The following JAG1 variants were observed in gnomAD, a reference collection of about 807,000 sequenced individuals.
JAG1 encodes jagged canonical Notch ligand 1.
JAG1 carries 23 observed loss-of-function variants against 148.7 expected under a neutral mutation model. That is an observed-to-expected ratio of 0.15 (90% confidence interval 0.11 to 0.22). The LOEUF is 0.22. Ranked by LOEUF, JAG1 falls within the 10% of genes least tolerant of loss-of-function variation. JAG1 has a pLI of 1.00. For missense variants in JAG1, 1,054 were observed against 1,611.2 expected (o/e 0.65, Z 5.92); for synonymous variants, 572 against 598.3 (o/e 0.96, Z 0.64).
Position 10,656,475 on chromosome 20 carries a change from A to G in JAG1, c.695-17T>C, listed in dbSNP as rs771584273. On this transcript the variant is annotated splice_polypyrimidine_tract_variant and intron_variant, in intron 4 of 25. Coordinates refer to ENST00000254958, the MANE Select transcript of JAG1 (RefSeq NM_000214.3). ...GGCAAATAGCTGTAAAAAACAGAGAAGGGCGTGTCAGCACACTGCCTGTTC... is the reference window on the plus strand; with the variant it reads ...GGCAAATAGCTGTAAAAAACAGAGAGGGGCGTGTCAGCACACTGCCTGTTC... 3.1e-6 allele frequency: 5 copies of G among 1,611,810 alleles called. No homozygotes were observed. The highest frequency in any genetic ancestry group is 4.2e-6 in the Non-Finnish European group (5 of 1,178,084).
Position 10,646,120 on chromosome 20 carries a change from G to A in JAG1, c.1886-36C>T, listed in dbSNP as rs199893466. ...AAGTAAAGCAAAAAAAGAACTGAAG[G>A]ACTTGTGAAGCCATAGACAAGCACT... On this transcript the variant is annotated intron_variant, in intron 14 of 25. Coordinates refer to ENST00000254958, the MANE Select transcript of JAG1 (RefSeq NM_000214.3). 3.8e-5 allele frequency: 55 copies of A among 1,465,336 alleles called. No homozygotes were observed. In the African/African-American group the frequency reaches 7.1e-4, roughly 19 times the overall value. 90.8% of individuals were successfully genotyped at this position (1,465,336 alleles called of 1,614,324 possible).
At position 10,643,912 on chromosome 20, in the gene JAG1, C is replaced by G. The variant is rs1166922473; in HGVS notation, c.2373-49G>C. ...GTTACCAACCTCCCAGTCCATTACTCTGGCTGCCAATCACTCACATGTCAC... is the reference window on the plus strand; with the variant it reads ...GTTACCAACCTCCCAGTCCATTACTGTGGCTGCCAATCACTCACATGTCAC... On this transcript the variant is annotated intron_variant, in intron 19 of 25. Coordinates refer to ENST00000254958, the MANE Select transcript of JAG1 (RefSeq NM_000214.3). 4.3e-6 allele frequency: 6 copies of G among 1,410,000 alleles called. No individual in the cohort carries two copies. In the South Asian group the frequency reaches 5.8e-5, roughly 14 times the overall value. The allele number at this position is 1,410,000 out of a possible 1,614,324, so 87.3% of individuals were successfully genotyped here.
chr20:10,644,907 G>T lies in JAG1; in HGVS notation c.2300C>A (p.Thr767Lys). 1 of 1,614,076 alleles carries T rather than the reference G, an allele frequency of 6.2e-7. No homozygotes were observed. The highest frequency in any genetic ancestry group is 8.5e-7 in the Non-Finnish European group (1 of 1,179,966). ...GTCVVNGESF[T>K]CVCKEGWEGP... Reference sequence around the variant, plus strand: ...CTCCCAGCCTTCCTTGCAGACGCACGTAAAGGACTCGCCGTTGACCACACA... The same window carrying T: ...CTCCCAGCCTTCCTTGCAGACGCACTTAAAGGACTCGCCGTTGACCACACA... The change falls in exon 18 of 26, where the codon ACG (threonine) becomes AAG (lysine). Residue 767 changes from threonine (T) to lysine (K), a missense_variant. Physicochemically the swap from Thr to Lys is moderately conservative, Grantham distance 78. This residue lies in a region of JAG1 where 342 missense variants were observed against 514.6 expected (regional missense o/e 0.66). Coordinates refer to ENST00000254958, the MANE Select transcript of JAG1 (RefSeq NM_000214.3).
Position 10,645,638 on chromosome 20 carries a change from C to CA in JAG1, c.2000-170_2000-169insT. On this transcript the variant is annotated intron_variant, in intron 15 of 25. Transcript: ENST00000254958. The surrounding 1 kb of genome is among the most constrained non-coding windows in gnomAD (Gnocchi z 6.1). ...TTTCCAGGAATAAAGGAGCTCCCAA[C>CA]TGGGTTACTTTGAATGCCACAAGTT... is the stretch of plus-strand genomic sequence containing the variant. 1 of 689,256 alleles carries CA rather than the reference C, an allele frequency of 1.5e-6. No individual in the cohort carries two copies. Among genetic ancestry groups the CA allele is most frequent in the Admixed American group, 2.2e-5 (1 of 46,440 alleles). The allele number at this position is 689,256 out of a possible 1,614,324, so 42.7% of individuals were successfully genotyped here. A position where few individuals can be genotyped will look rare whatever the true frequency, so the allele number is the denominator to read the frequency against.
intron 3 of JAG1, chr20:10,662,516 G>A (rs910122556): frequency 7.2e-5 from 11 of 152,324 alleles, no homozygotes; most frequent in African/African-American, 2.7e-4. Flanking sequence ...TAGCTAAAAG[G>A]GAGGGGAAAG....
At chr20:10,651,845 G>T in intron 7 of JAG1, 151 bp from the exon 8 acceptor site, 1 of 700,438 alleles carries the variant, frequency 1.4e-6, no homozygotes, top group Non-Finnish European at 2.6e-6. Context: ...GCTGTGTCTA[G>T]GAAAGAAAGG....
Position 10,673,039 on chromosome 20 carries a change from G to C in JAG1, c.82-33C>G. On this transcript the variant is annotated intron_variant, in intron 1 of 25. Transcript: ENST00000254958. This position sits in a 1 kb window ranked among gnomAD's most constrained non-coding sequence, Gnocchi z 4.7. ...CGAGGGAAGGAGGTAGGTCAGCGCG[G>C]GAGAAAGCTGTTTTCTTCGAGTATA... 1 of 1,597,162 alleles carries C rather than the reference G, an allele frequency of 6.3e-7. No homozygotes were observed. The highest frequency in any genetic ancestry group is 8.5e-7 in the Non-Finnish European group (1 of 1,176,660).
rs766855006 is a variant in JAG1 at position 10,647,116 on chromosome 20, C to A, written c.1721-13G>T. ...CAGCTGTCAATCACTAGAAGATAGG[C>A]TTGGGATCAGATCACAGCCATGCAC... On this transcript the variant is annotated splice_polypyrimidine_tract_variant and intron_variant, in intron 13 of 25. Coordinates refer to ENST00000254958, the MANE Select transcript of JAG1 (RefSeq NM_000214.3). The A allele has an allele frequency of 6.2e-7, 1 of 1,614,218 alleles. No individual in the cohort carries two copies. Among genetic ancestry groups the A allele is most frequent in the Non-Finnish European group, 8.5e-7 (1 of 1,180,020 alleles).
At chr20:10,640,424 CAG>C (rs1216859609) in intron 25 of JAG1, among the ~76,000 whole-genome samples, 1 of 152,250 alleles carries the variant, frequency 6.6e-6, no homozygotes, top group Non-Finnish European at 1.5e-5. Context: ...TCGAGCCTCA[CAG>C]AGCTCAGCAG....
At position 10,673,495 on chromosome 20, in the gene JAG1, G is replaced by T. The variant is rs886042810; in HGVS notation, c.36C>A (p.Arg12=). The T allele has an allele frequency of 3.1e-6, 4 of 1,284,180 alleles. No homozygotes were observed. Among genetic ancestry groups the T allele is most frequent in the Non-Finnish European group, 4.0e-6 (4 of 1,008,780 alleles). 79.5% of individuals were successfully genotyped at this position (1,284,180 alleles called of 1,614,324 possible). ...GCAGGGCGAGCAGGAGGCTTAGGGG[G>T]CGCCCGGACCGGCCGCGCGTCCGTG... ...RSPRTRGRSG[R]PLSLLLALLC... Residue 12 remains arginine (R), a synonymous_variant, in exon 1 of 26, where the codon CGC becomes CGA. Coordinates refer to ENST00000254958, the MANE Select transcript of JAG1 (RefSeq NM_000214.3). The surrounding 1 kb of genome is among the most constrained non-coding windows in gnomAD (Gnocchi z 4.7).
chr20:10,652,402 T>C (rs2067353448), intron 6 of JAG1, 66 bp downstream of exon 6: 1 of 1,607,422 alleles, frequency 6.2e-7, no homozygotes, highest in Non-Finnish European at 8.5e-7. Flanking sequence ...CCAATAAAAT[T>C]AGAAACCAAA....
Position 10,641,772 on chromosome 20 carries a change from T to G in JAG1, c.2682+11A>C. 6.2e-7 allele frequency: 1 copy of G among 1,611,274 alleles called. No homozygotes were observed. Among genetic ancestry groups the G allele is most frequent in the Admixed American group, 1.7e-5 (1 of 60,026 alleles). On this transcript the variant is annotated intron_variant, in intron 22 of 25. Transcript: ENST00000254958. ...GAACACAGGTGAACTGCGGCAGCCA[T>G]CATGTCCTACCTTTGAGCAGGCGAT... is the stretch of plus-strand genomic sequence containing the variant.
At chr20:10,647,831 G>A (rs903586758) in intron 13 of JAG1, 129 bp downstream of exon 13, 3 of 1,022,642 alleles carry the variant, frequency 2.9e-6, no homozygotes, top group African/African-American at 1.6e-5. Context: ...TACACAGGCA[G>A]GATCATTTCA....
At chr20:10,652,302 C>G (rs766344333) in intron 6 of JAG1, 52 bp from the exon 7 acceptor site, 2 of 1,610,698 alleles carry the variant, frequency 1.2e-6, no homozygotes, top group Non-Finnish European at 1.7e-6. Flanking sequence ...GATGGCGAAC[C>G]CACCATGTTT....
chr20:10,656,492 T>G, intron 4 of JAG1, 34 bp from the exon 5 acceptor site: 1 of 1,591,124 alleles, frequency 6.3e-7, no homozygotes, highest in Non-Finnish European at 8.6e-7. Flanking sequence ...GTCAGCACAC[T>G]GCCTGTTCCT....
At chr20:10,667,793 A>G (rs1196127794) in intron 2 of JAG1, among the ~76,000 whole-genome samples, 1 of 152,030 alleles carries the variant, frequency 6.6e-6, no homozygotes, top group Non-Finnish European at 1.5e-5. Flanking sequence ...TCCCATCATT[A>G]CCCTTACCTG....
rs1333315191 is a variant in JAG1 at position 10,673,361 on chromosome 20, C to T, written c.81+89G>A. ...CGAGGAGTCGGGCGCTCGAGGGCTG[C>T]CGAGCCTGCTCGCGGGGCTCAACCG... On this transcript the variant is annotated intron_variant, in intron 1 of 25. Transcript: ENST00000254958. This position sits in a 1 kb window ranked among gnomAD's most constrained non-coding sequence, Gnocchi z 4.7. 1 of 1,019,308 alleles carries T rather than the reference C, an allele frequency of 9.8e-7. No homozygotes were observed. Among genetic ancestry groups the T allele is most frequent in the Non-Finnish European group, 1.4e-6 (1 of 716,644 alleles). 63.1% of individuals were successfully genotyped at this position (1,019,308 alleles called of 1,614,324 possible).
In JAG1 at chr20:10,649,562, G is replaced by A. The variant is rs764485729; in HGVS notation, c.1308C>T (p.Cys436=). 9 of 1,613,142 alleles carry A rather than the reference G, an allele frequency of 5.6e-6. No individual in the cohort carries two copies. The highest frequency in any genetic ancestry group is 3.3e-5 in the Admixed American group (2 of 60,000). The part of the protein sequence containing the change: ...SCKNLIASYY[C]DCLPGWMGQN... ...GACCCATCCAGCCGGGAAGACAGTCGCAGTAGTAGCTGGCAATGAGATTCT... is the reference window on the plus strand; with the variant it reads ...GACCCATCCAGCCGGGAAGACAGTCACAGTAGTAGCTGGCAATGAGATTCT... Residue 436 remains cysteine (C), a synonymous_variant, in exon 10 of 26, where the codon TGC becomes TGT. Coordinates refer to ENST00000254958, the MANE Select transcript of JAG1 (RefSeq NM_000214.3).
intron 2 of JAG1, among the ~76,000 whole-genome samples, chr20:10,667,310 G>A (rs571549577): frequency 2.6e-5 from 4 of 152,334 alleles, no homozygotes; most frequent in South Asian, 2.1e-4. Flanking sequence ...CCCAGGGTTC[G>A]TCAGGGGCCC....
Sources: gnomAD v4.1 joint callset for allele counts (sites outside exome capture counted in the v4.1 genomes callset) on GRCh38, gnomAD v4.1.1 for gene constraint, gnomAD v4.1.1 regional missense constraint, Gnocchi (gnomAD v3.1) non-coding constraint, MANE v1.5 for transcripts, NCBI Gene and HGNC (gene_info 2026-07-23, HGNC 2026-07-21) for gene names.